The following SFI1 variants were observed in gnomAD, a reference collection of about 807,000 sequenced individuals.
SFI1 encodes protein SFI1 homolog.
In SFI1, 195 loss-of-function variants were observed where a neutral mutation model predicts 207.5. The observed-to-expected ratio is 0.94, with a 90% CI of 0.84 to 1.06. The LOEUF is 1.06. Among genes scored for constraint, SFI1 ranks in the 50% least tolerant of loss-of-function variants. The probability of loss-of-function intolerance (pLI) is 0.00; values close to 1 mark genes in which losing one functional copy is unlikely to be tolerated. For missense variants in SFI1, 1,634 were observed against 1,588.0 expected, an observed-to-expected ratio of 1.03 and a Z score of -0.49; for synonymous variants, 630 against 598.9, an observed-to-expected ratio of 1.05 and a Z score of -0.76.
Position 31,608,008 on chromosome 22 carries a change from G to C in SFI1, c.2229G>C (p.Trp743Cys), listed in dbSNP as rs756683489. 2 of 1,613,940 alleles carry C rather than the reference G, an allele frequency of 1.2e-6. No individual in the cohort carries two copies. The highest frequency in any genetic ancestry group is 2.2e-5 in the South Asian group (2 of 91,074). Residue 743 changes from tryptophan to cysteine, a missense_variant, in exon 22 of 33, where the codon TGG becomes TGC. Transcript: ENST00000400288. The stretch of plus-strand genomic sequence containing the variant: ...GACAGCAGGAGGACTGTGCCATCTG[G>C]GAGGCCCAGAAGGTGCTGGACAGGG... ...YYRQQEDCAI[W>C]EAQKVLDRGC... is the part of the protein sequence containing the mutation.
intron 8 of SFI1, among the ~76,000 whole-genome samples, chr22:31,568,286 G>GGAGGCA (rs2062597046): frequency 1.3e-5 from 2 of 148,786 alleles, no homozygotes; most frequent in Admixed American, 6.8e-5. Flanking sequence ...CAGCACTTTG[G>GGAGGCA]GAGGCAGAGG....
At chr22:31,541,824 T>C (rs1246198768) in intron 4 of SFI1, among the ~76,000 whole-genome samples, 1 of 149,182 alleles carries the variant, frequency 6.7e-6, no homozygotes, top group Admixed American at 6.7e-5. Context: ...CAGTTTAGGC[T>C]GGGCATAGTG....
chr22:31,578,475 C>T (rs761660865), intron 11 of SFI1, 23 bp downstream of exon 11: 32 of 1,607,602 alleles, frequency 2.0e-5, no homozygotes, highest in South Asian at 8.8e-5. Context: ...CATCCTGGCA[C>T]GGGTCCGCTT....
At chr22:31,504,596 A>T (rs2054333550) in intron 1 of SFI1, among the ~76,000 whole-genome samples, 1 of 152,182 alleles carries the variant, frequency 6.6e-6, no homozygotes, top group African/African-American at 2.4e-5. Context: ...TGCTGTAACA[A>T]AGTACCACAA....
chr22:31,612,093 T>C, intron 24 of SFI1: 1 of 1,176,384 alleles, frequency 8.5e-7, no homozygotes, highest in East Asian at 5.2e-5. Flanking sequence ...AATACATCAG[T>C]GGAGGCCGGG....
chr22:31,590,093 G>A (rs2065639551), intron 15 of SFI1, among the ~76,000 whole-genome samples: 1 of 151,640 alleles, frequency 6.6e-6, no homozygotes, highest in Admixed American at 6.6e-5. Flanking sequence ...AGGCAGGCAG[G>A]AAGCAAAAGG....
intron 3 of SFI1, chr22:31,530,738 C>T (rs1283023122): frequency 4.7e-6 from 2 of 427,246 alleles, no homozygotes; most frequent in African/African-American, 2.0e-5. Flanking sequence ...CAGGCATTTG[C>T]CGGCCATTTT....
At chr22:31,550,100 G>A (rs781192219) in intron 5 of SFI1, among the ~76,000 whole-genome samples, 154 bp from the exon 6 acceptor site, 9 of 151,744 alleles carry the variant, frequency 5.9e-5, no homozygotes, top group Non-Finnish European at 8.8e-5. Flanking sequence ...CCCGGCACAC[G>A]GTATTTTTAG....
At chr22:31,615,438 C>A in intron 29 of SFI1, 159 bp downstream of exon 29, 2 of 584,930 alleles carry the variant, frequency 3.4e-6, no homozygotes, top group Non-Finnish European at 5.5e-6. Context: ...ACACCAGGTC[C>A]AAGGGCCACA....
chr22:31,614,789 C>A lies in SFI1; in HGVS notation c.2997C>A (p.Leu999=). Residue 999 remains leucine (L), a splice_region_variant and synonymous_variant, in exon 28 of 33, where the codon CTC becomes CTA. Transcript: ENST00000400288. ...GAACAGACCCCATGTTTCTTTCCAG[C>A]AACACTGCCCACTCAGCGAGGAAGC... The part of the protein sequence containing the change: ...LAAEEPHALE[L]NTAHSARKQP... 6.2e-7 allele frequency: 1 copy of A among 1,613,828 alleles called. No individual in the cohort carries two copies. The highest frequency in any genetic ancestry group is 1.1e-5 in the South Asian group (1 of 91,082).
chr22:31,599,731 C>CTG (rs2067801073), intron 15 of SFI1, among the ~76,000 whole-genome samples: 1 of 152,148 alleles, frequency 6.6e-6, no homozygotes, highest in Non-Finnish European at 1.5e-5. Flanking sequence ...CTGCCATGGC[C>CTG]TCTCACTGTT....
chr22:31,525,375 T>C (rs1182128396), intron 2 of SFI1, among the ~76,000 whole-genome samples: 1 of 152,140 alleles, frequency 6.6e-6, no homozygotes, highest in Non-Finnish European at 1.5e-5. Context: ...TACTCACTTT[T>C]CCCAGCACCA....
intron 1 of SFI1, among the ~76,000 whole-genome samples, chr22:31,505,211 G>A (rs2054436023): frequency 6.6e-6 from 1 of 152,084 alleles, no homozygotes; most frequent in Admixed American, 6.6e-5. Flanking sequence ...GGCCGAGGTG[G>A]GCAGATCATT....
In SFI1 at chr22:31,618,376, C is replaced by T; in HGVS notation, c.3687C>T (p.Ala1229=). 6.2e-7 allele frequency: 1 copy of T among 1,605,640 alleles called. No homozygotes were observed. The highest frequency in any genetic ancestry group is 8.5e-7 in the Non-Finnish European group (1 of 1,174,958). ...ELQAQRQPIG[A]CVARIQALRQ... ...AGGCTCAGCGCCAGCCCATTGGCGC[C>T]TGCGTTGCCCGCATCCAGGCCCTGC... The change falls in exon 33 of 33, where the codon GCC becomes GCT. Residue 1229 remains alanine (A), a synonymous_variant. Transcript: ENST00000400288.
intron 4 of SFI1, among the ~76,000 whole-genome samples, chr22:31,541,311 G>T (rs1223107843): frequency 6.6e-6 from 1 of 152,048 alleles, no homozygotes; most frequent in African/African-American, 2.4e-5. Context: ...GACGGCTCTT[G>T]TCTGTCACCC....
At position 31,608,142 on chromosome 22, in the gene SFI1, C is replaced by T. The variant is rs2069384995; in HGVS notation, c.2254+109C>T. ...GTCTCCTCCTCATACATGCCAGTTC[C>T]CTGTGGTTGCCATGACAAAGTACCA... On this transcript the variant is annotated intron_variant, in intron 22 of 32. Transcript: ENST00000400288. 11 of 784,738 alleles carry T rather than the reference C, an allele frequency of 1.4e-5. No homozygotes were observed. The South Asian group carries it at 1.5e-4, about 11-fold the overall frequency. The allele number at this position is 784,738 out of a possible 1,614,324, so 48.6% of individuals were successfully genotyped here.
chr22:31,499,850 C>T (rs1003237239), intron 1 of SFI1, among the ~76,000 whole-genome samples: 5 of 150,936 alleles, frequency 3.3e-5, no homozygotes, highest in Non-Finnish European at 7.4e-5. Context: ...TTACCAGGCA[C>T]GGTGGTATGC....
intron 2 of SFI1, among the ~76,000 whole-genome samples, chr22:31,513,434 A>T (rs979955243): frequency 1.3e-4 from 20 of 152,136 alleles, no homozygotes; most frequent in African/African-American, 4.6e-4. Context: ...TACAGGCGTT[A>T]GATGCTGCAC....
chr22:31,521,002 C>CAA (rs57346699), intron 2 of SFI1, among the ~76,000 whole-genome samples: 102 of 47,212 alleles, frequency 2.2e-3, no homozygotes, highest in Non-Finnish European at 2.3e-3. Context: ...GACCCTGTCT[C>CAA]AAAAAAAAAA....
Sources: allele counts gnomAD v4.1 joint callset (sites outside exome capture counted in the v4.1 genomes callset), GRCh38; gene constraint gnomAD v4.1.1; transcripts MANE v1.5; gene names NCBI Gene and HGNC (gene_info 2026-07-23, HGNC 2026-07-21).